The following ACACA variants were observed in gnomAD, a reference collection of about 807,000 sequenced individuals.
ACACA encodes acetyl-CoA carboxylase alpha.
Under a neutral mutation model 296.1 loss-of-function variants are expected in ACACA, and 103 were observed. The ratio of observed to expected loss-of-function variants is 0.35; its 90% CI spans 0.30 to 0.41. The LOEUF (loss-of-function observed/expected upper bound fraction) is 0.41, where lower values mean the gene tolerates loss of function less well. ACACA is among the 10% of genes least tolerant of loss of function. The pLI is 1.00. For synonymous variants in ACACA, 953 were observed against 1,038.6 expected (o/e 0.92, Z 1.58); for missense variants, 1,554 against 2,989.7 (o/e 0.52, Z 11.20).
chr17:37,396,339 CA>C (rs59227754), intron 1 of ACACA, among the ~76,000 whole-genome samples: 80 of 135,152 alleles, frequency 5.9e-4, no homozygotes, highest in Non-Finnish European at 7.0e-4. Flanking sequence ...GACTCCATCT[CA>C]AAAAAAAAAA....
chr17:37,297,311 C>G (rs2083389342), intron 3 of ACACA, among the ~76,000 whole-genome samples: 1 of 151,112 alleles, frequency 6.6e-6, no homozygotes, highest in Non-Finnish European at 1.5e-5. Flanking sequence ...CATAGTGGTG[C>G]ATGCCTGTAA....
At chr17:37,095,282 C>T (rs1291908262) in intron 54 of ACACA, among the ~76,000 whole-genome samples, 1 of 152,240 alleles carries the variant, frequency 6.6e-6, no homozygotes, top group African/African-American at 2.4e-5. Context: ...CCAACTTCCA[C>T]TAGAAGCTGC....
intron 9 of ACACA, among the ~76,000 whole-genome samples, chr17:37,272,880 G>T (rs897660675): frequency 7.9e-5 from 12 of 152,110 alleles, no homozygotes; most frequent in African/African-American, 2.9e-4. Flanking sequence ...ATAAAAAAAT[G>T]AATAGGTTAA....
At chr17:37,362,068 G>A (rs749990664) in intron 1 of ACACA, among the ~76,000 whole-genome samples, 5 of 152,122 alleles carry the variant, frequency 3.3e-5, no homozygotes, top group Admixed American at 6.5e-5. Context: ...AAGACGAGGC[G>A]ACGAGGACAC....
Position 37,271,964 on chromosome 17 carries a change from C to T in ACACA, c.1009-1103G>A, listed in dbSNP as rs550552826. ...TCCAGCTTGGGCAACAAAGTGAGAC[C>T]CTGTTTCAATAAAATAACCAAGTCA... On this transcript the variant is annotated intron_variant, in intron 9 of 55. Transcript: ENST00000616317. 7.2e-5 allele frequency among the ~76,000 whole-genome samples: 11 copies of T among 152,138 alleles called. No individual in the cohort carries two copies. The South Asian group carries it at 2.3e-3, about 32-fold the overall frequency.
rs759989612 is a variant in ACACA at position 37,257,690 on chromosome 17, C to T, written c.1826+13G>A. On this transcript the variant is annotated intron_variant, in intron 14 of 55. Coordinates refer to ENST00000616317, the MANE Select transcript of ACACA (RefSeq NM_198834.3). Reference sequence around the variant, plus strand: ...TTATTTTGTAAAATGCAATCAAATGCTATTATACTCACGAAATTGCCTCTT... The same window carrying T: ...TTATTTTGTAAAATGCAATCAAATGTTATTATACTCACGAAATTGCCTCTT... The T allele has an allele frequency of 1.9e-6, 3 of 1,613,362 alleles. No homozygotes were observed. The highest frequency in any genetic ancestry group is 2.7e-5 in the African/African-American group (2 of 74,900).
chr17:37,271,076 A>T (rs1324255833), intron 9 of ACACA, among the ~76,000 whole-genome samples: 4 of 152,224 alleles, frequency 2.6e-5, no homozygotes, highest in South Asian at 2.1e-4. Flanking sequence ...TCATAGATTT[A>T]AAAAAATGAC....
intron 52 of ACACA, 43 bp downstream of exon 52, chr17:37,111,488 G>A: frequency 6.9e-7 from 1 of 1,445,450 alleles, no homozygotes; most frequent in Non-Finnish European, 9.7e-7. Context: ...TTACAAATCA[G>A]CTGAATGGCT....
chr17:37,206,362 A>C (rs942545285), intron 32 of ACACA, among the ~76,000 whole-genome samples: 5 of 152,262 alleles, frequency 3.3e-5, no homozygotes, highest in African/African-American at 1.2e-4. Flanking sequence ...GAAATGATTT[A>C]ATAAAAAGAC....
chr17:37,133,898 G>A (rs977613206), intron 45 of ACACA, among the ~76,000 whole-genome samples: 3 of 152,188 alleles, frequency 2.0e-5, no homozygotes, highest in African/African-American at 7.2e-5. Flanking sequence ...CTCCACCTTG[G>A]GGTCCTCTGC....
rs141467954 is a variant in ACACA, at chr17:37,144,244, G to T, written c.5679+5620C>A. The T allele has an allele frequency of 2.3e-4, 161 of 694,260 alleles. 1 individual carries two copies. In the East Asian group the frequency reaches 3.9e-3, roughly 17 times the overall value. 43.0% of individuals were successfully genotyped at this position (694,260 alleles called of 1,614,324 possible). A position where few individuals can be genotyped will look rare whatever the true frequency, so the allele number is the denominator to read the frequency against. On this transcript the variant is annotated intron_variant, in intron 45 of 55. Coordinates refer to ENST00000616317, the MANE Select transcript of ACACA (RefSeq NM_198834.3). The stretch of plus-strand genomic sequence containing the variant: ...CCCAACAAGTTTGCACAAAAAATGC[G>T]TATGACAACATCTTGCCTCTAGGCT...
chr17:37,263,540 AT>A (rs2081609868), intron 11 of ACACA, 144 bp downstream of exon 11: 4 of 742,536 alleles, frequency 5.4e-6, no homozygotes, highest in South Asian at 1.8e-5. Flanking sequence ...GAACAGTAGA[AT>A]TTTTTTTCTC....
Position 37,227,594 on chromosome 17 carries a change from C to A in ACACA, c.3247-1142G>T, listed in dbSNP as rs1341382417. On this transcript the variant is annotated intron_variant, in intron 25 of 55. Transcript: ENST00000616317. Reference sequence around the variant, plus strand: ...TAAAACAAAAAATTTTTAGGCCGGGCGCTGTGGCTCACGCCTGTAATCTCA... The same window carrying A: ...TAAAACAAAAAATTTTTAGGCCGGGAGCTGTGGCTCACGCCTGTAATCTCA... Among the ~76,000 whole-genome samples the A allele has an allele frequency of 2.0e-5, 3 of 152,086 alleles. No homozygotes were observed. The South Asian group carries it at 6.2e-4, about 32-fold the overall frequency.
chr17:37,096,626 A>G (rs2073008694), intron 54 of ACACA, among the ~76,000 whole-genome samples: 1 of 152,236 alleles, frequency 6.6e-6, no homozygotes, highest in African/African-American at 2.4e-5. Flanking sequence ...CATGGGCCTC[A>G]CTATTGTGCA....
At chr17:37,269,619 G>A (rs1280934472) in intron 10 of ACACA, among the ~76,000 whole-genome samples, 2 of 152,160 alleles carry the variant, frequency 1.3e-5, no homozygotes, top group Non-Finnish European at 2.9e-5. Context: ...GCACAGTATT[G>A]TAAAGTTGTT....
At chr17:37,170,867 A>G (rs1364130135) in intron 41 of ACACA, among the ~76,000 whole-genome samples, 1 of 152,252 alleles carries the variant, frequency 6.6e-6, no homozygotes, top group Non-Finnish European at 1.5e-5. Flanking sequence ...TGTTACTACA[A>G]AATAAAACAA....
rs183660104 is a variant in ACACA, at chr17:37,301,920, T to C, written c.339-16950A>G. Among the ~76,000 whole-genome samples the C allele has an allele frequency of 8.5e-5, 13 of 152,350 alleles. No individual in the cohort carries two copies. In the East Asian group the frequency reaches 2.3e-3, roughly 27 times the overall value. On this transcript the variant is annotated intron_variant, in intron 3 of 55. Coordinates refer to ENST00000616317, the MANE Select transcript of ACACA (RefSeq NM_198834.3). ...AAGGAGAACTGCTGTCTTGACAATA[T>C]TGAGTCCTCTAATCCATGAACATGG...
intron 2 of ACACA, among the ~76,000 whole-genome samples, chr17:37,334,762 C>T (rs561075481): frequency 2.0e-5 from 3 of 152,062 alleles, no homozygotes; most frequent in Admixed American, 6.5e-5. Flanking sequence ...GTCCATGCCC[C>T]GTCCATGCCA....
chr17:37,135,863 T>C (rs923739813), intron 45 of ACACA, among the ~76,000 whole-genome samples: 4 of 151,848 alleles, frequency 2.6e-5, no homozygotes, highest in Non-Finnish European at 4.4e-5. Flanking sequence ...CAACTGCTCA[T>C]GTAGGTAGGG....
Sources: allele counts gnomAD v4.1 joint callset (sites outside exome capture counted in the v4.1 genomes callset), GRCh38; gene constraint gnomAD v4.1.1; transcripts MANE v1.5; gene names NCBI Gene and HGNC (gene_info 2026-07-23, HGNC 2026-07-21).